Variants in DTNB observed in about 807,000 individuals in gnomAD.
DTNB encodes the protein DTN-B.
Under a neutral mutation model 90.7 loss-of-function variants are expected in DTNB, and 63 were observed. The observed-to-expected ratio is 0.69, with a 90% CI of 0.57 to 0.86. The LOEUF (loss-of-function observed/expected upper bound fraction) is 0.86. DTNB is among the 40% of genes least tolerant of loss of function. The probability of loss-of-function intolerance (pLI) is 0.00; values close to 1 mark genes in which losing one functional copy is unlikely to be tolerated. For synonymous variants in DTNB, 277 were observed against 286.7 expected, an observed-to-expected ratio of 0.97 and a Z score of 0.34; for missense variants, 744 against 807.1, an observed-to-expected ratio of 0.92 and a Z score of 0.95.
chr2:25,379,544 C>A, intron 19 of DTNB: 1 of 432,778 alleles, frequency 2.3e-6, no homozygotes, highest in Non-Finnish European at 3.9e-6. Flanking sequence ...ACAGATGCTT[C>A]TCAGGAGAAG....
intron 16 of DTNB, among the ~76,000 whole-genome samples, chr2:25,414,644 G>A (rs1314940574): frequency 2.0e-5 from 3 of 152,140 alleles, no homozygotes; most frequent in African/African-American, 7.2e-5. Flanking sequence ...CTATAGGTAC[G>A]TCAACTAGTT....
At chr2:25,483,156 T>C (rs1338266014) in intron 9 of DTNB, among the ~76,000 whole-genome samples, 1 of 152,236 alleles carries the variant, frequency 6.6e-6, no homozygotes. Context: ...CACTGAGCTG[T>C]GGGTACCAGA....
At chr2:25,477,220 G>C (rs1010946866) in intron 10 of DTNB, among the ~76,000 whole-genome samples, 3 of 152,168 alleles carry the variant, frequency 2.0e-5, no homozygotes. Flanking sequence ...ATAGTATAGT[G>C]TAAGCAAAAC....
At chr2:25,595,718 C>A (rs965940196) in intron 6 of DTNB, among the ~76,000 whole-genome samples, 16 of 152,306 alleles carry the variant, frequency 1.1e-4, no homozygotes, top group African/African-American at 3.8e-4. Context: ...CTCCAGCACT[C>A]AGGAAACAAT....
At chr2:25,656,204 A>T (rs1471726470) in intron 1 of DTNB, among the ~76,000 whole-genome samples, 3 of 152,336 alleles carry the variant, frequency 2.0e-5, no homozygotes, top group Admixed American at 1.3e-4. Flanking sequence ...CTTATAATTC[A>T]GGGTACATAA....
Position 25,425,316 on chromosome 2 carries a change from A to C in DTNB, c.1554+2219T>G, listed in dbSNP as rs181299043. On this transcript the variant is annotated intron_variant, in intron 15 of 20. Coordinates refer to ENST00000406818, the MANE Select transcript of DTNB (RefSeq NM_021907.5). ...ACCACCACCACCACCAACACCACCAACAACTCAGCTCATAACAAAACAGTA... is the reference window on the plus strand; with the variant it reads ...ACCACCACCACCACCAACACCACCACCAACTCAGCTCATAACAAAACAGTA... 1.0e-3 allele frequency among the ~76,000 whole-genome samples: 154 copies of C among 152,328 alleles called. 1 individual carries two copies. The highest frequency in any genetic ancestry group is 5.1e-4 in the Non-Finnish European group (35 of 68,030).
chr2:25,646,705 C>A (rs2079537637), intron 2 of DTNB, among the ~76,000 whole-genome samples: 1 of 152,134 alleles, frequency 6.6e-6, no homozygotes, highest in South Asian at 2.1e-4. Context: ...AGTTGTTCTG[C>A]CTTTCTGGAC....
intron 5 of DTNB, among the ~76,000 whole-genome samples, chr2:25,601,129 G>A (rs1044732113): frequency 5.3e-5 from 8 of 151,966 alleles, no homozygotes; most frequent in Non-Finnish European, 8.8e-5. Context: ...ATCAACCTAA[G>A]TTATTGTGAT....
intron 8 of DTNB, chr2:25,558,251 C>G: frequency 1.0e-6 from 1 of 985,352 alleles, no homozygotes; most frequent in Non-Finnish European, 1.2e-6. Context: ...ACCTGTAGAT[C>G]TCAGAAAGCA....
chr2:25,633,317 C>A (rs896213233), intron 3 of DTNB, among the ~76,000 whole-genome samples: 1 of 152,326 alleles, frequency 6.6e-6, no homozygotes, highest in Admixed American at 6.5e-5. Context: ...GCGCGCGCCG[C>A]CACGCCTGAC....
chr2:25,599,576 C>A lies in DTNB; in HGVS notation c.449-3336G>T, dbSNP rs539037856. The stretch of plus-strand genomic sequence containing the variant: ...CAGGATGGTCTCAATCTCCTGATCT[C>A]GTGATGCACGCCTCGGCTTCCCAAA... On this transcript the variant is annotated intron_variant, in intron 5 of 20. Coordinates refer to ENST00000406818, the MANE Select transcript of DTNB (RefSeq NM_021907.5). Among the ~76,000 whole-genome samples, 22 of 152,136 alleles carry A rather than the reference C, an allele frequency of 1.4e-4. No homozygotes were observed. In the East Asian group the frequency reaches 3.9e-3, roughly 27 times the overall value.
At chr2:25,395,415 A>G (rs1212552535) in intron 16 of DTNB, among the ~76,000 whole-genome samples, 1 of 152,022 alleles carries the variant, frequency 6.6e-6, no homozygotes, top group Admixed American at 6.5e-5. Flanking sequence ...TATGTATCAC[A>G]TAATATGTAT....
intron 8 of DTNB, among the ~76,000 whole-genome samples, chr2:25,548,253 G>T (rs1326767769): frequency 2.0e-5 from 3 of 152,106 alleles, no homozygotes; most frequent in East Asian, 1.9e-4. Flanking sequence ...TACATGTAAG[G>T]TTATGATTTT....
At chr2:25,574,776 A>C (rs2060404578) in intron 8 of DTNB, among the ~76,000 whole-genome samples, 2 of 152,246 alleles carry the variant, frequency 1.3e-5, no homozygotes, top group South Asian at 4.1e-4. Flanking sequence ...ATTATGCAGG[A>C]TAACAATGCT....
intron 16 of DTNB, among the ~76,000 whole-genome samples, chr2:25,415,316 G>A (rs572460186): frequency 5.6e-5 from 8 of 143,882 alleles, no homozygotes; most frequent in Admixed American, 2.2e-4. Flanking sequence ...GCGTGATCTT[G>A]GCTCACTGCA....
chr2:25,637,671 G>T (rs191973069), intron 3 of DTNB, among the ~76,000 whole-genome samples: 52 of 152,262 alleles, frequency 3.4e-4, no homozygotes, highest in Admixed American at 3.3e-3. Context: ...ACCATCTCAT[G>T]CCAGTTAGAA....
chr2:25,566,935 T>A (rs909088311), intron 8 of DTNB, among the ~76,000 whole-genome samples: 13 of 152,156 alleles, frequency 8.5e-5, no homozygotes, highest in African/African-American at 2.9e-4. Flanking sequence ...CAGACCATGA[T>A]AAAATGCTGG....
intron 4 of DTNB, 118 bp from the exon 5 acceptor site, chr2:25,607,439 T>C (rs1348860666): frequency 1.0e-6 from 1 of 974,092 alleles, no homozygotes; most frequent in Non-Finnish European, 1.5e-6. Flanking sequence ...GTTACAATTT[T>C]ACCACATTTA....
At chr2:25,556,170 CTT>C (rs60714399) in intron 8 of DTNB, among the ~76,000 whole-genome samples, 21 of 105,538 alleles carry the variant, frequency 2.0e-4, no homozygotes, top group Non-Finnish European at 2.2e-4. Context: ...GGCCATCTCT[CTT>C]TTTTTTTTTT....
Sources: allele counts gnomAD v4.1 joint callset (sites outside exome capture counted in the v4.1 genomes callset), GRCh38; gene constraint gnomAD v4.1.1; transcripts MANE v1.5; gene names NCBI Gene and HGNC (gene_info 2026-07-23, HGNC 2026-07-21).